ZSWIM7: variants seen among roughly 807,000 people sequenced by gnomAD.
The protein encoded by ZSWIM7 is zinc finger SWIM-type containing 7.
In ZSWIM7, 22 loss-of-function variants were observed where a neutral mutation model predicts 21.1. The ratio of observed to expected loss-of-function variants is 1.04; its 90% CI spans 0.74 to 1.49. The LOEUF (loss-of-function observed/expected upper bound fraction) is 1.49. ZSWIM7 is among the 40% of genes most tolerant of loss of function. The pLI, the probability that ZSWIM7 is intolerant of heterozygous loss-of-function variation, is 0.00. For missense variants in ZSWIM7, 193 were observed against 168.0 expected, an observed-to-expected ratio of 1.15 and a Z score of -0.82; for synonymous variants, 67 against 66.5, an observed-to-expected ratio of 1.01 and a Z score of -0.04.
chr17:15,979,942 T>G (rs1438656623), intron 4 of ZSWIM7, among the ~76,000 whole-genome samples: 6 of 120,628 alleles, frequency 5.0e-5, no homozygotes, highest in Non-Finnish European at 1.0e-4. Context: ...ACGGGGCGGC[T>G]GGCCGGGCAG....
chr17:15,978,266 G>A, intron 4 of ZSWIM7, 103 bp from the exon 5 acceptor site: 3 of 824,604 alleles, frequency 3.6e-6, no homozygotes, highest in Non-Finnish European at 4.1e-6. Flanking sequence ...GAGAAGACTA[G>A]AGCATACAGA....
At chr17:15,991,918 GT>G (rs529521274) in intron 2 of ZSWIM7, among the ~76,000 whole-genome samples, 1,547 of 65,374 alleles carry the variant, frequency 0.024, 40 homozygotes, top group African/African-American at 0.076. Context: ...TTTTTTGTTT[GT>G]TTTGTTTTGT....
At chr17:15,982,582 G>A (rs1049683212) in intron 3 of ZSWIM7, among the ~76,000 whole-genome samples, 4 of 152,158 alleles carry the variant, frequency 2.6e-5, no homozygotes, top group Non-Finnish European at 5.9e-5. Flanking sequence ...TTCCACTGCT[G>A]TGCTTTTGTC....
chr17:15,988,102 C>CA, intron 2 of ZSWIM7, among the ~76,000 whole-genome samples: 1 of 152,108 alleles, frequency 6.6e-6, no homozygotes, highest in East Asian at 1.9e-4. Context: ...ACATACATAA[C>CA]AAACACACGT....
At chr17:15,981,468 T>TGG (rs111945001) in intron 3 of ZSWIM7, among the ~76,000 whole-genome samples, 7 of 142,644 alleles carry the variant, frequency 4.9e-5, no homozygotes, top group South Asian at 2.3e-4. Context: ...AAGAAGGAAG[T>TGG]GGGGGGGGGG....
At chr17:15,979,524 G>C in intron 4 of ZSWIM7, among the ~76,000 whole-genome samples, 1 of 151,844 alleles carries the variant, frequency 6.6e-6, no homozygotes, top group East Asian at 2.0e-4. Flanking sequence ...AGACGGGGTG[G>C]TGGCCGGGCA....
At chr17:15,980,986 G>T in intron 4 of ZSWIM7, 54 bp downstream of exon 4, 1 of 1,342,106 alleles carries the variant, frequency 7.5e-7, no homozygotes, top group South Asian at 1.3e-5. Flanking sequence ...CACAAAGTAA[G>T]GGCAATTTCT....
At chr17:15,998,083 G>C (rs1044406323) in intron 1 of ZSWIM7, among the ~76,000 whole-genome samples, 1 of 151,302 alleles carries the variant, frequency 6.6e-6, no homozygotes, top group Non-Finnish European at 1.5e-5. Flanking sequence ...CTGGGAGACA[G>C]AGCAAGACTC....
chr17:15,997,956 C>G (rs1363970748), intron 1 of ZSWIM7, among the ~76,000 whole-genome samples: 3 of 152,142 alleles, frequency 2.0e-5, no homozygotes, highest in African/African-American at 7.2e-5. Flanking sequence ...CACAAATTAG[C>G]CGGGTGTGGT....
At chr17:15,984,247 T>G (rs894500077) in intron 3 of ZSWIM7, among the ~76,000 whole-genome samples, 1 of 152,192 alleles carries the variant, frequency 6.6e-6, no homozygotes, top group Non-Finnish European at 1.5e-5. Flanking sequence ...GGACAACTAA[T>G]GAACCCAACA....
intron 1 of ZSWIM7, 76 bp from the exon 2 acceptor site, chr17:15,993,854 TG>T (rs1567572054): frequency 8.5e-7 from 1 of 1,177,186 alleles, no homozygotes; most frequent in Non-Finnish European, 1.2e-6. Context: ...TAAAAAACAC[TG>T]TAACTAAAAA....
intron 3 of ZSWIM7, among the ~76,000 whole-genome samples, chr17:15,982,961 G>GT (rs1409994431): frequency 6.6e-6 from 1 of 152,098 alleles, no homozygotes; most frequent in Non-Finnish European, 1.5e-5. Flanking sequence ...CCTCAGTATG[G>GT]TTTTTTGACG....
chr17:15,996,020 A>T (rs1970549606), intron 1 of ZSWIM7, among the ~76,000 whole-genome samples: 1 of 152,280 alleles, frequency 6.6e-6, no homozygotes, highest in South Asian at 2.1e-4. Context: ...CTGAAGAAAT[A>T]TTATTTCCAA....
chr17:15,990,722 C>T (rs892815373), intron 2 of ZSWIM7: 9 of 152,038 alleles, frequency 5.9e-5, no homozygotes, highest in African/African-American at 1.9e-4. Context: ...GCCACATATA[C>T]AACAAATTAT....
Position 15,977,884 on chromosome 17 carries a change from C to T in ZSWIM7, c.*163G>A, listed in dbSNP as rs1246462665. ...TCATACACAAACCCTCCACAGCCCA[C>T]GGCTCCAACCCACAGCACCTCCTGC... On this transcript the variant is annotated 3_prime_UTR_variant, in exon 5 of 5. Coordinates refer to ENST00000399277, the MANE Select transcript of ZSWIM7 (RefSeq NM_001042697.2). 2 of 603,618 alleles carry T rather than the reference C, an allele frequency of 3.3e-6. No individual in the cohort carries two copies. The highest frequency in any genetic ancestry group is 2.9e-5 in the East Asian group (1 of 34,414). The allele number at this position is 603,618 out of a possible 1,614,324, so 37.4% of individuals were successfully genotyped here.
intron 3 of ZSWIM7, among the ~76,000 whole-genome samples, chr17:15,982,407 C>G (rs1227924618): frequency 1.3e-5 from 2 of 152,230 alleles, no homozygotes; most frequent in South Asian, 2.1e-4. Context: ...TGCCACACAG[C>G]CTTCAAAGCA....
At chr17:15,997,108 G>T (rs1970564423) in intron 1 of ZSWIM7, among the ~76,000 whole-genome samples, 1 of 150,846 alleles carries the variant, frequency 6.6e-6, no homozygotes, top group African/African-American at 2.5e-5. Flanking sequence ...AAGCTACAGT[G>T]AGCTTTGATC....
intron 1 of ZSWIM7, among the ~76,000 whole-genome samples, chr17:15,994,907 T>C (rs1970529818): frequency 6.6e-6 from 1 of 152,246 alleles, no homozygotes; most frequent in Non-Finnish European, 1.5e-5. Context: ...TCCAATATAC[T>C]TTTTAGTCTT....
At chr17:15,996,578 A>C (rs893805192) in intron 1 of ZSWIM7, among the ~76,000 whole-genome samples, 1 of 152,116 alleles carries the variant, frequency 6.6e-6, no homozygotes, top group Admixed American at 6.6e-5. Context: ...AATAGAAAAG[A>C]AAGCCTCAAA....
Sources: allele counts gnomAD v4.1 joint callset (sites outside exome capture counted in the v4.1 genomes callset), GRCh38; gene constraint gnomAD v4.1.1; transcripts MANE v1.5; gene names NCBI Gene and HGNC (gene_info 2026-07-23, HGNC 2026-07-21).